The following ENPP1 variants were observed in gnomAD, a reference collection of about 807,000 sequenced individuals.
The protein encoded by ENPP1 is ectonucleotide pyrophosphatase/phosphodiesterase family member 1.
Under a neutral mutation model 122.8 loss-of-function variants are expected in ENPP1, and 73 were observed. The observed-to-expected ratio is 0.59, with a 90% CI of 0.49 to 0.72. The LOEUF (loss-of-function observed/expected upper bound fraction) is 0.72, where lower values mean the gene tolerates loss of function less well. ENPP1 is among the 30% of genes least tolerant of loss of function. The pLI, the probability that ENPP1 is intolerant of heterozygous loss-of-function variation, is 0.00. For synonymous variants in ENPP1, 367 were observed against 391.6 expected (o/e 0.94, Z 0.74); for missense variants, 978 against 1,128.1 (o/e 0.87, Z 1.91).
In ENPP1 at chr6:131,810,456, C is replaced by G. The variant is rs1308682711; in HGVS notation, c.240+2181C>G. ...CTTTTTCCCCCAACCCCGCCCCCCC[C>G]CCAAAAACTTCCCCAAATAATGGGC... On this transcript the variant is annotated intron_variant, in intron 1 of 24. Transcript: ENST00000647893. 9.5e-5 allele frequency among the ~76,000 whole-genome samples: 14 copies of G among 146,848 alleles called. No individual in the cohort carries two copies. The South Asian group carries it at 2.8e-3, about 29-fold the overall frequency.
intron 1 of ENPP1, among the ~76,000 whole-genome samples, chr6:131,824,441 A>ATTT (rs1382019162): frequency 7.5e-6 from 1 of 133,114 alleles, no homozygotes; most frequent in Non-Finnish European, 1.7e-5. Context: ...TCCAGGCAGG[A>ATTT]TTTGTTGTTG....
chr6:131,812,877 T>C (rs756421653), intron 1 of ENPP1, among the ~76,000 whole-genome samples: 1 of 152,218 alleles, frequency 6.6e-6, no homozygotes, highest in Non-Finnish European at 1.5e-5. Context: ...TCTTGCTCTG[T>C]TGCCCAGGCT....
chr6:131,837,354 C>T (rs537317313), intron 1 of ENPP1, among the ~76,000 whole-genome samples: 2 of 151,786 alleles, frequency 1.3e-5, no homozygotes, highest in South Asian at 2.1e-4. Flanking sequence ...GGTGAAACCC[C>T]GTCTCTACTA....
At chr6:131,887,725 ATT>A (rs757759048) in intron 24 of ENPP1, among the ~76,000 whole-genome samples, 17 of 114,832 alleles carry the variant, frequency 1.5e-4, no homozygotes, top group African/African-American at 1.5e-4. Context: ...CACCCGGCTA[ATT>A]TTTTTTTTTT....
chr6:131,816,368 C>T (rs370840973), intron 1 of ENPP1, among the ~76,000 whole-genome samples: 11 of 152,010 alleles, frequency 7.2e-5, no homozygotes, highest in Non-Finnish European at 1.3e-4. Flanking sequence ...CCATAAAATA[C>T]CCCCCAAACA....
chr6:131,850,857 T>A (rs1032600077), intron 3 of ENPP1, among the ~76,000 whole-genome samples: 2 of 152,210 alleles, frequency 1.3e-5, no homozygotes, highest in African/African-American at 4.8e-5. Flanking sequence ...TTTTAGCAGG[T>A]AGAAGAAGCC....
intron 1 of ENPP1, chr6:131,819,913 T>G: frequency 3.8e-6 from 2 of 519,626 alleles, no homozygotes; most frequent in South Asian, 3.3e-5. Context: ...TCATCATATC[T>G]GGAATCAGAT....
At chr6:131,816,676 T>C (rs1400278585) in intron 1 of ENPP1, among the ~76,000 whole-genome samples, 2 of 152,238 alleles carry the variant, frequency 1.3e-5, no homozygotes, top group African/African-American at 2.4e-5. Flanking sequence ...ATATCTGTAG[T>C]GTCTTTGAAA....
chr6:131,839,733 A>T (rs183791756), intron 1 of ENPP1, among the ~76,000 whole-genome samples: 185 of 152,262 alleles, frequency 1.2e-3, no homozygotes, highest in African/African-American at 4.4e-3. Flanking sequence ...CTGTTTTATC[A>T]TCTGTTCTTT....
chr6:131,882,237 CAGCT>C (rs1441294368), intron 20 of ENPP1, 104 bp from the exon 21 acceptor site: 6 of 895,804 alleles, frequency 6.7e-6, no homozygotes, highest in Non-Finnish European at 1.1e-5. Flanking sequence ...CATGAGCTGA[CAGCT>C]AGAGCTTCAT....
chr6:131,880,012 C>G lies in ENPP1; in HGVS notation c.2078C>G (p.Thr693Arg). 1 of 1,614,114 alleles carries G rather than the reference C, an allele frequency of 6.2e-7. No individual in the cohort carries two copies. The highest frequency in any genetic ancestry group is 8.5e-7 in the Non-Finnish European group (1 of 1,179,978). ...YSQDILMPLW[T>R]SYTVDRNDSF... is the part of the protein sequence containing the mutation. The stretch of plus-strand genomic sequence containing the variant: ...CAAGACATCTTAATGCCCCTTTGGA[C>G]ATCCTATACCGTGGACAGAAATGCA... Residue 693 changes from threonine to arginine, a missense_variant, in exon 20 of 25, where the codon ACA becomes AGA. Transcript: ENST00000647893.
intron 1 of ENPP1, among the ~76,000 whole-genome samples, chr6:131,811,370 ATATCTATATATC>A (rs1314576095): frequency 2.7e-4 from 38 of 142,390 alleles, no homozygotes; most frequent in Non-Finnish European, 3.4e-4. Context: ...ATCTATATCT[ATATCTATATATC>A]TATATCTATA....
In ENPP1 at chr6:131,851,263, T is replaced by C. The variant is rs1781877672; in HGVS notation, c.552T>C (p.Cys184=). ...GDCCINYSSV[C]QGEKSWVEEP... is the part of the protein sequence containing the mutation. ...GCTGCATCAACTACAGTTCTGTGTG[T>C]CAAGGTCAGGTGCTCGTTGGGCTCT... Residue 184 remains cysteine (C), a synonymous_variant, in exon 4 of 25, where the codon TGT becomes TGC. Coordinates refer to ENST00000647893, the MANE Select transcript of ENPP1 (RefSeq NM_006208.3). 6.2e-7 allele frequency: 1 copy of C among 1,614,060 alleles called. No individual in the cohort carries two copies.
chr6:131,819,935 G>T (rs1554276160), intron 1 of ENPP1: 3 of 519,832 alleles, frequency 5.8e-6, no homozygotes, highest in Non-Finnish European at 1.1e-5. Context: ...AGTTTCCATA[G>T]CTTCTTTTTT....
At chr6:131,811,434 A>ATCTGTATCTATATC (rs567977915) in intron 1 of ENPP1, among the ~76,000 whole-genome samples, 37 of 147,946 alleles carry the variant, frequency 2.5e-4, no homozygotes, top group African/African-American at 8.7e-4. Flanking sequence ...CTATATCTAT[A>ATCTGTATCTATATC]TATATGTAGA....
chr6:131,880,215 T>C (rs765048666), intron 20 of ENPP1, among the ~76,000 whole-genome samples, 181 bp downstream of exon 20: 3 of 152,158 alleles, frequency 2.0e-5, no homozygotes, highest in Non-Finnish European at 4.4e-5. Context: ...AGCAGCTGCA[T>C]GACTTTGAGA....
intron 1 of ENPP1, among the ~76,000 whole-genome samples, chr6:131,825,483 C>A (rs554298363): frequency 6.6e-6 from 1 of 152,118 alleles, no homozygotes; most frequent in Admixed American, 6.5e-5. Context: ...TTGCCACATC[C>A]GTAGTGCTAT....
In ENPP1 at chr6:131,895,121, A is replaced by G. The variant is rs1213349239; in HGVS notation, c.*4610A>G. 3 of 152,258 alleles carry G rather than the reference A, an allele frequency of 2.0e-5. No homozygotes were observed. The highest frequency in any genetic ancestry group is 4.4e-5 in the Non-Finnish European group (3 of 68,054). 9.4% of individuals were successfully genotyped at this position (152,258 alleles called of 1,614,324 possible). ...GGAATATAATTGTCTCTAAGCTAAG[A>G]AATGTGGATGTTCAAATAAAACATA... On this transcript the variant is annotated 3_prime_UTR_variant, in exon 25 of 25. Coordinates refer to ENST00000647893, the MANE Select transcript of ENPP1 (RefSeq NM_006208.3).
rs1306933380 is a variant in ENPP1, at chr6:131,813,702, C to A, written c.240+5427C>A. Reference sequence around the variant, plus strand: ...TCTTATTTCTATTGTAACATTAATGCTGGTCAATTGTTACGCCTCAACTCC... The same window carrying A: ...TCTTATTTCTATTGTAACATTAATGATGGTCAATTGTTACGCCTCAACTCC... On this transcript the variant is annotated intron_variant, in intron 1 of 24. Transcript: ENST00000647893. Among the ~76,000 whole-genome samples the A allele has an allele frequency of 2.0e-5, 3 of 152,124 alleles. No individual in the cohort carries two copies. The South Asian group carries it at 6.2e-4, about 32-fold the overall frequency.
Sources: gnomAD v4.1 joint callset for allele counts (sites outside exome capture counted in the v4.1 genomes callset) on GRCh38, gnomAD v4.1.1 for gene constraint, MANE v1.5 for transcripts, NCBI Gene and HGNC (gene_info 2026-07-23, HGNC 2026-07-21) for gene names.